The following LRIG2 variants were observed in gnomAD, a reference collection of about 807,000 sequenced individuals.
LRIG2 encodes the protein leucine-rich repeats and immunoglobulin-like domains protein 2.
A neutral mutation model predicts 107.8 loss-of-function variants in LRIG2; 93 were observed. The observed-to-expected ratio is 0.86, with a 90% CI of 0.73 to 1.03. The LOEUF is 1.03. Ranked by LOEUF, LRIG2 falls within the 50% of genes least tolerant of loss-of-function variation. The pLI is 0.00. For synonymous variants in LRIG2, 471 were observed against 470.6 expected (o/e 1.00, Z -0.01); for missense variants, 1,226 against 1,296.0 (o/e 0.95, Z 0.83).
chr1:113,110,583 AT>A (rs3214329), intron 13 of LRIG2, 21 bp downstream of exon 13: 44 of 1,533,656 alleles, frequency 2.9e-5, no homozygotes, highest in African/African-American at 4.1e-5. Context: ...ATGCTCCTTG[AT>A]TTTTTTTAGT....
At chr1:113,098,664 T>C in intron 8 of LRIG2, 41 bp from the exon 9 acceptor site, 1 of 1,182,822 alleles carries the variant, frequency 8.5e-7, no homozygotes, top group East Asian at 2.3e-5. Flanking sequence ...GTGATGGTTG[T>C]ATTGACTAAT....
rs142983818 is a variant in LRIG2, at chr1:113,117,907, A to ATT, written c.2681-1318_2681-1317dup. Among the ~76,000 whole-genome samples, 13 of 151,036 alleles carry ATT rather than the reference A, an allele frequency of 8.6e-5. No individual in the cohort carries two copies. The South Asian group carries it at 1.5e-3, about 17-fold the overall frequency. On this transcript the variant is annotated intron_variant, in intron 16 of 17. Transcript: ENST00000361127. Reference sequence around the variant, plus strand: ...TCCAATTCTAACATTCTGTTGCATGATTTTTTTTTGTTTGTTTTTTGGTTT... The same window carrying ATT: ...TCCAATTCTAACATTCTGTTGCATGATTTTTTTTTTTGTTTGTTTTTTGGTTT...
Position 113,124,181 on chromosome 1 carries a change from C to A in LRIG2, c.*80C>A. 1 of 1,229,204 alleles carries A rather than the reference C, an allele frequency of 8.1e-7. No individual in the cohort carries two copies. Among genetic ancestry groups the A allele is most frequent in the Non-Finnish European group, 1.2e-6 (1 of 853,418 alleles). 76.1% of individuals were successfully genotyped at this position (1,229,204 alleles called of 1,614,324 possible). A position where few individuals can be genotyped will look rare whatever the true frequency, so the allele number is the denominator to read the frequency against. On this transcript the variant is annotated 3_prime_UTR_variant, in exon 18 of 18. Coordinates refer to ENST00000361127, the MANE Select transcript of LRIG2 (RefSeq NM_014813.3). ...CTACCTCAGAGCTCAGAAGAAACTC[C>A]GAAGTCAGCATTTGCTTTACTCTTT...
chr1:113,098,012 G>A (rs1300514145), intron 8 of LRIG2, among the ~76,000 whole-genome samples: 1 of 152,174 alleles, frequency 6.6e-6, no homozygotes, highest in Non-Finnish European at 1.5e-5. Context: ...GCTTTATTAT[G>A]AGATGACTTA....
At chr1:113,123,061 A>C (rs1655329824) in intron 17 of LRIG2, among the ~76,000 whole-genome samples, 1 of 152,226 alleles carries the variant, frequency 6.6e-6, no homozygotes, top group African/African-American at 2.4e-5. Context: ...AGATAATCTG[A>C]TTTAATACAG....
intron 15 of LRIG2, 58 bp downstream of exon 15, chr1:113,114,934 G>A: frequency 7.3e-7 from 1 of 1,366,932 alleles, no homozygotes; most frequent in African/African-American, 1.4e-5. Flanking sequence ...TGTAGTATAG[G>A]ATTAATTGTA....
chr1:113,092,650 TC>T (rs1653879892), intron 2 of LRIG2, among the ~76,000 whole-genome samples: 1 of 152,206 alleles, frequency 6.6e-6, no homozygotes, highest in African/African-American at 2.4e-5. Context: ...GCAAAATACT[TC>T]ATAACCTTTC....
intron 1 of LRIG2, among the ~76,000 whole-genome samples, chr1:113,083,582 G>C (rs1653388529): frequency 1.3e-5 from 2 of 151,676 alleles, no homozygotes; most frequent in African/African-American, 4.8e-5. Flanking sequence ...CAGACCTCAG[G>C]TGATCCACCT....
Position 113,073,528 on chromosome 1 carries a change from G to A in LRIG2, c.122G>A (p.Gly41Asp), listed in dbSNP as rs1333728057. The change falls in exon 1 of 18, where the codon GGT (glycine) becomes GAT (aspartate). Residue 41 changes from glycine (G) to aspartate (D), a missense_variant. Gly to Asp is a moderately conservative substitution (Grantham distance 94, BLOSUM62 -1). This residue lies in a region of LRIG2 where 570 missense variants were observed against 550.2 expected (regional missense o/e 1.04). Coordinates refer to ENST00000361127, the MANE Select transcript of LRIG2 (RefSeq NM_014813.3). ...ALLLLPAAGA[G>D]LCPAPCSCRI... is the part of the protein sequence containing the mutation. ...CTCCTGTTGCCCGCCGCCGGAGCAG[G>A]TCTCTGCCCCGCGCCCTGCTCCTGC... 2.5e-6 allele frequency: 4 copies of A among 1,613,948 alleles called. No individual in the cohort carries two copies. Among genetic ancestry groups the A allele is most frequent in the Middle Eastern group, 1.6e-4 (1 of 6,084 alleles).
Position 113,093,662 on chromosome 1 carries a change from T to C in LRIG2, c.515+98T>C, listed in dbSNP as rs1320486570. On this transcript the variant is annotated intron_variant, in intron 4 of 17. Transcript: ENST00000361127. ...GGGGCAGGGATAGCACTGGGAGATA[T>C]ACCTAATGCTAGATGACGAGTTAGT... is the stretch of plus-strand genomic sequence containing the variant. The C allele has an allele frequency of 1.4e-5, 8 of 552,438 alleles. No homozygotes were observed. In the Admixed American group the frequency reaches 2.1e-4, roughly 15 times the overall value. 34.2% of individuals were successfully genotyped at this position (552,438 alleles called of 1,614,324 possible).
intron 11 of LRIG2, chr1:113,103,448 G>T (rs1654389278): frequency 6.6e-6 from 1 of 152,160 alleles, no homozygotes; most frequent in African/African-American, 2.4e-5. Flanking sequence ...ACTTGCCCTT[G>T]CTGTTTCCCT....
chr1:113,110,565 A>T lies in LRIG2; in HGVS notation c.1798+3A>T. The T allele has an allele frequency of 6.3e-7, 1 of 1,591,582 alleles. No individual in the cohort carries two copies. The highest frequency in any genetic ancestry group is 8.6e-7 in the Non-Finnish European group (1 of 1,163,576). On this transcript the variant is annotated splice_donor_region_variant and intron_variant, in intron 13 of 17. Coordinates refer to ENST00000361127, the MANE Select transcript of LRIG2 (RefSeq NM_014813.3). ...GAAAGCCAAACTGACTGTAAATGGT[A>T]AGGAATTATGCTCCTTGATTTTTTT...
chr1:113,121,521 A>C (rs1412045526), intron 17 of LRIG2, among the ~76,000 whole-genome samples: 1 of 151,984 alleles, frequency 6.6e-6, no homozygotes, highest in Non-Finnish European at 1.5e-5. Context: ...ACACGGGTGG[A>C]TCATGAGGTC....
At chr1:113,098,481 G>C (rs1216809) in intron 8 of LRIG2, among the ~76,000 whole-genome samples, 148,333 of 152,332 alleles carry the variant, frequency 0.97, 72,332 homozygotes, top group East Asian at 1. Context: ...CAGCTTAATT[G>C]TTAGCTTATA....
chr1:113,089,642 G>T (rs1021179030), intron 1 of LRIG2, among the ~76,000 whole-genome samples: 1 of 146,492 alleles, frequency 6.8e-6, no homozygotes, highest in African/African-American at 2.5e-5. Flanking sequence ...ATAATTTGGG[G>T]TGAGATTAAT....
At chr1:113,096,389 T>C in intron 8 of LRIG2, 24 bp downstream of exon 8, 2 of 1,597,132 alleles carry the variant, frequency 1.3e-6, no homozygotes, top group Non-Finnish European at 1.7e-6. Context: ...TTCTCCTTTT[T>C]GGTTGTTGTT....
rs1489262065 is a variant in LRIG2 at position 113,078,161 on chromosome 1, G to A, written c.239+4516G>A. Among the ~76,000 whole-genome samples the A allele has an allele frequency of 1.3e-5, 2 of 151,812 alleles. 1 individual carries two copies. The highest frequency in any genetic ancestry group is 3.9e-4 in the East Asian group (2 of 5,176). ...TGATGGACATTTGGGTTGGTTCAAAGTCTTTGCTATTGTGAATAGTGCCAC... is the reference window on the plus strand; with the variant it reads ...TGATGGACATTTGGGTTGGTTCAAAATCTTTGCTATTGTGAATAGTGCCAC... On this transcript the variant is annotated intron_variant, in intron 1 of 17. Coordinates refer to ENST00000361127, the MANE Select transcript of LRIG2 (RefSeq NM_014813.3).
At chr1:113,090,688 A>G (rs1464045038) in intron 1 of LRIG2, among the ~76,000 whole-genome samples, 1 of 151,456 alleles carries the variant, frequency 6.6e-6, no homozygotes, top group East Asian at 2.0e-4. Flanking sequence ...ATACAAAAAA[A>G]TTAGCCGGGC....
At position 113,107,447 on chromosome 1, in the gene LRIG2, G is replaced by C. The variant is rs1381800611; in HGVS notation, c.1314-147G>C. 6.3e-6 allele frequency: 4 copies of C among 638,618 alleles called. No homozygotes were observed. In the African/African-American group the frequency reaches 7.7e-5, roughly 12 times the overall value. 39.6% of individuals were successfully genotyped at this position (638,618 alleles called of 1,614,324 possible). A position where few individuals can be genotyped will look rare whatever the true frequency, so the allele number is the denominator to read the frequency against. Reference sequence around the variant, plus strand: ...AGGTTGATATATTTAAAGAATTTTGGCTGACAGTCTCAATTTGTTTTCTCA... The same window carrying C: ...AGGTTGATATATTTAAAGAATTTTGCCTGACAGTCTCAATTTGTTTTCTCA... On this transcript the variant is annotated intron_variant, in intron 11 of 17. Transcript: ENST00000361127.
Sources: gnomAD v4.1 joint callset for allele counts (sites outside exome capture counted in the v4.1 genomes callset) on GRCh38, gnomAD v4.1.1 for gene constraint, gnomAD v4.1.1 regional missense constraint, MANE v1.5 for transcripts, NCBI Gene and HGNC (gene_info 2026-07-23, HGNC 2026-07-21) for gene names.